Variants in DUS2 observed in about 807,000 individuals in gnomAD.
DUS2 encodes tRNA-dihydrouridine(20) synthase [NAD(P)+]-like.
A neutral mutation model predicts 71.3 loss-of-function variants in DUS2; 52 were observed. The ratio of observed to expected loss-of-function variants is 0.73; its 90% confidence interval spans 0.58 to 0.92. The LOEUF is 0.92. Among genes scored for constraint, DUS2 ranks in the 40% least tolerant of loss-of-function variants. DUS2 has a pLI of 0.00. For missense variants in DUS2, 558 were observed against 622.6 expected (o/e 0.90, Z 1.10); for synonymous variants, 204 against 227.8 (o/e 0.90, Z 0.94).
intron 2 of DUS2, among the ~76,000 whole-genome samples, chr16:68,033,634 A>ATTTTT (rs548683357): frequency 1.3e-4 from 16 of 125,328 alleles, no homozygotes; most frequent in South Asian, 2.6e-4. Context: ...ACAGGTGCTA[A>ATTTTT]TTTTTTTTTT....
rs1035170387 is a variant in DUS2, at chr16:68,049,487, C to T, written c.127-18C>T. On this transcript the variant is annotated intron_variant, in intron 3 of 16. Transcript: ENST00000565263. The stretch of plus-strand genomic sequence containing the variant: ...CTACATGTTCAGGAATGACAAGCGT[C>T]CTCTGATTCCTCTGCAGGAGCTGAT... 1.2e-6 allele frequency: 2 copies of T among 1,613,812 alleles called. No homozygotes were observed. The highest frequency in any genetic ancestry group is 2.7e-5 in the African/African-American group (2 of 74,910).
rs764135654 is a variant in DUS2, at chr16:68,078,470, TCTC to T, written c.1200_1202del (p.Ser401del). 5 of 1,614,092 alleles carry T rather than the reference TCTC, an allele frequency of 3.1e-6. No individual in the cohort carries two copies. The highest frequency in any genetic ancestry group is 2.2e-5 in the East Asian group (1 of 44,896). On this transcript the variant is annotated inframe_deletion, in exon 16 of 17. Coordinates refer to ENST00000565263, the MANE Select transcript of DUS2 (RefSeq NM_017803.5). ...GTTCAACGCCCTCTAGATCGCCTGT[TCTC>T]CTCTATTGTCACCGTTGCTGAACAA...
At chr16:68,037,415 CTTTT>C (rs945193739) in intron 2 of DUS2, among the ~76,000 whole-genome samples, 3 of 131,754 alleles carry the variant, frequency 2.3e-5, no homozygotes, top group African/African-American at 2.8e-5. Context: ...GAAACTCCAT[CTTTT>C]TTTTTTTTTT....
intron 8 of DUS2, among the ~76,000 whole-genome samples, chr16:68,064,733 G>C (rs938899284): frequency 7.2e-5 from 11 of 152,240 alleles, no homozygotes; most frequent in Non-Finnish European, 1.6e-4. Context: ...CCTAGAGACT[G>C]TTCCTTCCTG....
chr16:68,070,753 CAGTT>C (rs944714098), intron 11 of DUS2, among the ~76,000 whole-genome samples, 183 bp from the exon 12 acceptor site: 1 of 152,236 alleles, frequency 6.6e-6, no homozygotes, highest in African/African-American at 2.4e-5. Flanking sequence ...TGTATTATCT[CAGTT>C]AGTGCTCCTA....
intron 3 of DUS2, among the ~76,000 whole-genome samples, chr16:68,042,677 TTTTA>T (rs1214026296): frequency 1.5e-4 from 23 of 151,818 alleles, no homozygotes; most frequent in South Asian, 6.2e-4. Flanking sequence ...ACCTGGCTAA[TTTTA>T]TTTATTTATT....
At chr16:68,032,880 G>T (rs1470626277) in intron 2 of DUS2, among the ~76,000 whole-genome samples, 1 of 120,564 alleles carries the variant, frequency 8.3e-6, no homozygotes, top group Non-Finnish European at 1.6e-5. Flanking sequence ...CTGCACTCCA[G>T]CCTGGGCAAC....
intron 8 of DUS2, among the ~76,000 whole-genome samples, chr16:68,065,113 A>T (rs1323170569): frequency 6.6e-6 from 1 of 151,782 alleles, no homozygotes; most frequent in African/African-American, 2.4e-5. Context: ...TGGTCTTGCT[A>T]CCTCCCTGTC....
At chr16:68,051,757 A>G (rs1477427769) in intron 4 of DUS2, among the ~76,000 whole-genome samples, 1 of 152,190 alleles carries the variant, frequency 6.6e-6, no homozygotes, top group Non-Finnish European at 1.5e-5. Context: ...GAACCCACTA[A>G]CATGGGTAAT....
At chr16:68,072,724 T>A (rs923038101) in intron 12 of DUS2, among the ~76,000 whole-genome samples, 13 of 152,054 alleles carry the variant, frequency 8.5e-5, no homozygotes, top group African/African-American at 2.9e-4. Context: ...TGGGAGGGTG[T>A]CCTGGAGGGC....
chr16:68,024,318 C>G (rs767912324), intron 1 of DUS2, among the ~76,000 whole-genome samples: 4 of 152,006 alleles, frequency 2.6e-5, no homozygotes, highest in Admixed American at 2.6e-4. Flanking sequence ...TGGCTGGTCT[C>G]GAACTCCTGG....
At chr16:68,025,067 T>C (rs1476232077) in intron 1 of DUS2, among the ~76,000 whole-genome samples, 1 of 152,122 alleles carries the variant, frequency 6.6e-6, no homozygotes, top group Non-Finnish European at 1.5e-5. Context: ...CCTGACCTCA[T>C]GATTTGCCCA....
rs2033453343 is a variant in DUS2, at chr16:68,032,411, C to G, written c.-18-5595C>G. The stretch of plus-strand genomic sequence containing the variant: ...TTGTCCTGGTGGTCTCCAGGAGGAG[C>G]TGAGGATTGAACAAGAAACTACAGC... On this transcript the variant is annotated intron_variant, in intron 2 of 16. Coordinates refer to ENST00000565263, the MANE Select transcript of DUS2 (RefSeq NM_017803.5). Among the ~76,000 whole-genome samples, 3 of 152,116 alleles carry G rather than the reference C, an allele frequency of 2.0e-5. No individual in the cohort carries two copies. The South Asian group carries it at 6.2e-4, about 31-fold the overall frequency.
intron 7 of DUS2, 102 bp downstream of exon 7, chr16:68,056,526 C>T (rs1354594446): frequency 2.7e-5 from 25 of 910,858 alleles, no homozygotes; most frequent in Non-Finnish European, 4.2e-5. Flanking sequence ...GGATTCTGTA[C>T]TAGATGGGGA....
intron 2 of DUS2, among the ~76,000 whole-genome samples, chr16:68,029,699 G>A (rs1175025585): frequency 6.6e-6 from 1 of 151,956 alleles, no homozygotes; most frequent in Non-Finnish European, 1.5e-5. Context: ...TGCCCACCTT[G>A]GCCTCCCAAA....
chr16:68,046,527 GCCA>G (rs1233218878), intron 3 of DUS2, among the ~76,000 whole-genome samples: 2 of 151,880 alleles, frequency 1.3e-5, no homozygotes, highest in African/African-American at 4.8e-5. Context: ...ACAGGCCTGT[GCCA>G]CCACGCTCGG....
Position 68,078,800 on chromosome 16 carries a change from G to C in DUS2, c.1296G>C (p.Arg432=). The change falls in exon 17 of 17, where the codon CGG becomes CGC. Residue 432 remains arginine (R), a synonymous_variant. Coordinates refer to ENST00000565263, the MANE Select transcript of DUS2 (RefSeq NM_017803.5). ...AEQAAAIVCL[R]SQGLPEGRLG... ...AGGCTGCAGCCATCGTCTGTCTGCG[G>C]AGCCAGGGCCTCCCTGAGGGTCGGC... 1.2e-6 allele frequency: 2 copies of C among 1,612,836 alleles called. No individual in the cohort carries two copies. The highest frequency in any genetic ancestry group is 8.5e-7 in the Non-Finnish European group (1 of 1,179,450).
chr16:68,038,390 C>T (rs963316296), intron 3 of DUS2, among the ~76,000 whole-genome samples: 5 of 152,138 alleles, frequency 3.3e-5, no homozygotes, highest in South Asian at 2.1e-4. Context: ...ATAGATAAGT[C>T]GCCTGACATG....
intron 3 of DUS2, among the ~76,000 whole-genome samples, chr16:68,046,251 G>A (rs1047168144): frequency 6.6e-6 from 1 of 152,036 alleles, no homozygotes; most frequent in Non-Finnish European, 1.5e-5. Context: ...GTTTATGTTC[G>A]TGTGTACCCA....
Sources: allele counts gnomAD v4.1 joint callset (sites outside exome capture counted in the v4.1 genomes callset), GRCh38; gene constraint gnomAD v4.1.1; transcripts MANE v1.5; gene names NCBI Gene and HGNC (gene_info 2026-07-23, HGNC 2026-07-21).